Variants in R3HDM1 observed in about 807,000 individuals in gnomAD.
R3HDM1 encodes the protein R3H domain containing 1.
Under a neutral mutation model 141.1 loss-of-function variants are expected in R3HDM1, and 46 were observed. The ratio of observed to expected loss-of-function variants is 0.33; its 90% CI spans 0.26 to 0.42. The LOEUF is 0.42. R3HDM1 is among the 10% of genes least tolerant of loss of function. The probability of loss-of-function intolerance (pLI) is 1.00; values close to 1 mark genes in which losing one functional copy is unlikely to be tolerated. For missense variants in R3HDM1, 1,184 were observed against 1,368.3 expected, an observed-to-expected ratio of 0.87 and a Z score of 2.12; for synonymous variants, 435 against 472.9, an observed-to-expected ratio of 0.92 and a Z score of 1.04.
At chr2:135,607,816 A>G in intron 3 of R3HDM1, 1 of 975,428 alleles carries the variant, frequency 1.0e-6, no homozygotes, top group Non-Finnish European at 1.2e-6. Context: ...AAAATTTCCC[A>G]CATTACCCAA....
chr2:135,725,110 G>A lies in R3HDM1; in HGVS notation c.*818G>A, dbSNP rs1388736413. On this transcript the variant is annotated 3_prime_UTR_variant, in exon 27 of 27. Transcript: ENST00000683871. ...CTGGAAACTTCTTAAGTGCTTTACA[G>A]TTTGTTTTCATTGTTTGCAGCGGAT... 6.6e-6 allele frequency: 1 copy of A among 152,086 alleles called. No homozygotes were observed. Among genetic ancestry groups the A allele is most frequent in the Admixed American group, 6.7e-5 (1 of 14,998 alleles). 9.4% of individuals were successfully genotyped at this position (152,086 alleles called of 1,614,324 possible).
rs558472873 is a variant in R3HDM1 at position 135,534,928 on chromosome 2, G to A, written c.-250+3295G>A. ...AGAAATAAAGTAGTGAAAATTGGTA[G>A]CAGTTTTGTTTTTCCCATTCTTGAG... On this transcript the variant is annotated intron_variant, in intron 1 of 26. Transcript: ENST00000683871. Among the ~76,000 whole-genome samples, 15 of 152,218 alleles carry A rather than the reference G, an allele frequency of 9.9e-5. No individual in the cohort carries two copies. The South Asian group carries it at 3.1e-3, about 32-fold the overall frequency.
chr2:135,629,906 A>G (rs1278781641), intron 7 of R3HDM1, among the ~76,000 whole-genome samples: 1 of 152,154 alleles, frequency 6.6e-6, no homozygotes, highest in East Asian at 1.9e-4. Context: ...ATCAGGGAAG[A>G]TACAGGGAGA....
chr2:135,723,778 CAAAAAAAAAA>C (rs541423067), intron 26 of R3HDM1, among the ~76,000 whole-genome samples, 149 bp from the exon 27 acceptor site: 4 of 55,300 alleles, frequency 7.2e-5, no homozygotes, highest in Middle Eastern at 7.8e-3. Context: ...CTCCATCTCC[CAAAAAAAAAA>C]AAAAAAAAAA....
At chr2:135,695,748 C>CTGTAAAAATATTTTTCAGAA (rs1338908799) in intron 21 of R3HDM1, among the ~76,000 whole-genome samples, 3 of 152,100 alleles carry the variant, frequency 2.0e-5, no homozygotes, top group African/African-American at 7.2e-5. Context: ...CATTCTATAC[C>CTGTAAAAATATTTTTCAGAA]TGTAAAAATA....
At chr2:135,690,371 A>T (rs549680005) in intron 21 of R3HDM1, among the ~76,000 whole-genome samples, 16 of 152,340 alleles carry the variant, frequency 1.1e-4, no homozygotes, top group Middle Eastern at 3.4e-3. Flanking sequence ...GAGAAATAAA[A>T]TGTAATAAAT....
At chr2:135,592,098 A>G (rs1709416517) in intron 1 of R3HDM1, among the ~76,000 whole-genome samples, 1 of 152,188 alleles carries the variant, frequency 6.6e-6, no homozygotes, top group South Asian at 2.1e-4. Context: ...CAGACAGTTT[A>G]TCACATTCCT....
intron 24 of R3HDM1, among the ~76,000 whole-genome samples, chr2:135,717,034 A>G (rs1244596993): frequency 2.6e-5 from 4 of 152,216 alleles, no homozygotes; most frequent in Admixed American, 1.3e-4. Flanking sequence ...AACAAGTTAC[A>G]CAGACATTTT....
At chr2:135,593,805 C>T (rs1709912860) in intron 1 of R3HDM1, among the ~76,000 whole-genome samples, 1 of 152,190 alleles carries the variant, frequency 6.6e-6, no homozygotes, top group African/African-American at 2.4e-5. Context: ...ACTGCAGTCT[C>T]CACCTCCCAG....
intron 2 of R3HDM1, among the ~76,000 whole-genome samples, chr2:135,603,177 A>G (rs566040102): frequency 6.6e-5 from 10 of 152,152 alleles, no homozygotes; most frequent in African/African-American, 2.4e-4. Flanking sequence ...TTTAATAGAG[A>G]TGGGGTTTCG....
chr2:135,720,397 G>T (rs1387755097), intron 24 of R3HDM1, among the ~76,000 whole-genome samples: 2 of 152,212 alleles, frequency 1.3e-5, no homozygotes, highest in African/African-American at 4.8e-5. Context: ...TCCTGAGGAT[G>T]CTTTCCTAGC....
At chr2:135,548,062 G>T (rs1173935546) in intron 1 of R3HDM1, among the ~76,000 whole-genome samples, 1 of 152,090 alleles carries the variant, frequency 6.6e-6, no homozygotes, top group African/African-American at 2.4e-5. Flanking sequence ...GTGAGCCACT[G>T]CCCCAGCCTG....
At chr2:135,714,003 T>C (rs1346066960) in intron 23 of R3HDM1, among the ~76,000 whole-genome samples, 1 of 152,020 alleles carries the variant, frequency 6.6e-6, no homozygotes, top group Non-Finnish European at 1.5e-5. Flanking sequence ...ATCGTGAAAT[T>C]AAAAGATCAC....
intron 19 of R3HDM1, among the ~76,000 whole-genome samples, chr2:135,668,404 A>G (rs1465937452): frequency 6.6e-6 from 1 of 152,218 alleles, no homozygotes; most frequent in Non-Finnish European, 1.5e-5. Context: ...TGTATGTTAT[A>G]ATTATTAGAA....
At chr2:135,610,081 T>G (rs1378595661) in intron 3 of R3HDM1, among the ~76,000 whole-genome samples, 1 of 152,120 alleles carries the variant, frequency 6.6e-6, no homozygotes, top group African/African-American at 2.4e-5. Context: ...GTAAATTATT[T>G]GTGTTGATTT....
chr2:135,566,159 C>T (rs1702743566), intron 1 of R3HDM1, among the ~76,000 whole-genome samples: 1 of 152,116 alleles, frequency 6.6e-6, no homozygotes, highest in Non-Finnish European at 1.5e-5. Context: ...ACTTATGATT[C>T]ATATATTATG....
At chr2:135,712,945 A>T (rs1031780516) in intron 23 of R3HDM1, among the ~76,000 whole-genome samples, 2 of 149,990 alleles carry the variant, frequency 1.3e-5, no homozygotes, top group African/African-American at 4.9e-5. Flanking sequence ...AAAATAAAAA[A>T]AATCCCAGCA....
intron 26 of R3HDM1, 136 bp downstream of exon 26, chr2:135,722,689 G>A: frequency 1.3e-6 from 1 of 783,670 alleles, no homozygotes; most frequent in East Asian, 2.7e-5. Context: ...CTGATTTAGG[G>A]TTCTTGGATA....
intron 15 of R3HDM1, among the ~76,000 whole-genome samples, chr2:135,643,188 A>G (rs1382762120): frequency 6.6e-6 from 1 of 152,146 alleles, no homozygotes; most frequent in Non-Finnish European, 1.5e-5. Context: ...CTTAAATTAC[A>G]TTTGACCGCC....
Sources: gnomAD v4.1 joint callset for allele counts (sites outside exome capture counted in the v4.1 genomes callset) on GRCh38, gnomAD v4.1.1 for gene constraint, MANE v1.5 for transcripts, NCBI Gene and HGNC (gene_info 2026-07-23, HGNC 2026-07-21) for gene names.